CORIN: variants seen among roughly 807,000 people sequenced by gnomAD.
CORIN encodes the protein atrial natriuretic peptide-converting enzyme.
CORIN carries 117 observed loss-of-function variants against 125.3 expected under a neutral mutation model. The observed-to-expected ratio is 0.93, with a 90% CI of 0.80 to 1.09. CORIN has a LOEUF of 1.09. Ranked by LOEUF, CORIN falls within the 50% of genes least tolerant of loss-of-function variation. CORIN has a pLI of 0.00. For synonymous variants in CORIN, 450 were observed against 466.4 expected, an observed-to-expected ratio of 0.96 and a Z score of 0.45; for missense variants, 1,253 against 1,306.7, an observed-to-expected ratio of 0.96 and a Z score of 0.63.
chr4:47,752,836 G>A (rs1427926470), intron 4 of CORIN, among the ~76,000 whole-genome samples: 1 of 152,106 alleles, frequency 6.6e-6, no homozygotes, highest in Non-Finnish European at 1.5e-5. Context: ...TACTTACCAG[G>A]GCCCAGGGGA....
At chr4:47,716,477 C>G (rs1577857117) in intron 5 of CORIN, among the ~76,000 whole-genome samples, 1 of 152,118 alleles carries the variant, frequency 6.6e-6, no homozygotes, top group African/African-American at 2.4e-5. Flanking sequence ...GTGTAAACAC[C>G]CTTGCCCTCT....
At chr4:47,815,761 G>A (rs1732238903) in intron 1 of CORIN, among the ~76,000 whole-genome samples, 1 of 152,000 alleles carries the variant, frequency 6.6e-6, no homozygotes, top group Non-Finnish European at 1.5e-5. Flanking sequence ...AAGAGAGTTG[G>A]GTTATCCATT....
chr4:47,697,566 T>C (rs756335180), intron 5 of CORIN, among the ~76,000 whole-genome samples: 1 of 151,796 alleles, frequency 6.6e-6, no homozygotes, highest in Non-Finnish European at 1.5e-5. Flanking sequence ...ATACAAAAAT[T>C]AGCTGGGCAT....
At chr4:47,639,733 G>A (rs1345592496) in intron 16 of CORIN, among the ~76,000 whole-genome samples, 2 of 152,154 alleles carry the variant, frequency 1.3e-5, no homozygotes, top group African/African-American at 4.8e-5. Context: ...TTTATTTGAG[G>A]CATCGGTGGC....
intron 1 of CORIN, among the ~76,000 whole-genome samples, chr4:47,813,933 G>GA (rs1456422135): frequency 6.6e-6 from 1 of 152,100 alleles, no homozygotes; most frequent in African/African-American, 2.4e-5. Context: ...ACCAAAATGA[G>GA]AATGTTCATT....
intron 20 of CORIN, among the ~76,000 whole-genome samples, chr4:47,601,724 CAG>C (rs749137939): frequency 5.3e-5 from 8 of 151,958 alleles, no homozygotes; most frequent in African/African-American, 7.2e-5. Flanking sequence ...TGAAAAAAAA[CAG>C]ATGCATAGGA....
intron 5 of CORIN, among the ~76,000 whole-genome samples, chr4:47,733,287 C>T (rs1167158332): frequency 6.6e-6 from 1 of 152,194 alleles, no homozygotes; most frequent in Non-Finnish European, 1.5e-5. Flanking sequence ...CTTCACGATG[C>T]TATTTGCAAA....
At chr4:47,766,447 C>T (rs752087350) in intron 3 of CORIN, among the ~76,000 whole-genome samples, 22 of 151,962 alleles carry the variant, frequency 1.4e-4, no homozygotes, top group Non-Finnish European at 3.1e-4. Context: ...GCTACAAGAC[C>T]CTTCCACATA....
chr4:47,725,525 T>C (rs1577865770), intron 5 of CORIN, among the ~76,000 whole-genome samples: 1 of 151,864 alleles, frequency 6.6e-6, no homozygotes, highest in African/African-American at 2.4e-5. Flanking sequence ...ATAGGAGAAA[T>C]ATAGGCCTTT....
intron 19 of CORIN, among the ~76,000 whole-genome samples, chr4:47,623,311 G>A (rs1234923584): frequency 1.3e-5 from 2 of 152,044 alleles, no homozygotes; most frequent in Admixed American, 1.3e-4. Context: ...TAGTAGCATA[G>A]AGTCAGTCTT....
chr4:47,683,904 T>G, intron 6 of CORIN, 66 bp from the exon 7 acceptor site: 1 of 1,211,754 alleles, frequency 8.3e-7, no homozygotes, highest in Non-Finnish European at 1.2e-6. Flanking sequence ...AGTACGATAT[T>G]TAACAAAAGC....
At chr4:47,760,137 C>A (rs962572189) in intron 4 of CORIN, among the ~76,000 whole-genome samples, 7 of 152,148 alleles carry the variant, frequency 4.6e-5, no homozygotes, top group Non-Finnish European at 1.0e-4. Context: ...AAATGTATTT[C>A]TGAAATAATA....
At chr4:47,723,999 A>G (rs1184665179) in intron 5 of CORIN, among the ~76,000 whole-genome samples, 3 of 151,070 alleles carry the variant, frequency 2.0e-5, no homozygotes, top group Non-Finnish European at 4.4e-5. Flanking sequence ...CCATCTCAAA[A>G]AAAAAAAAAA....
chr4:47,673,141 C>A (rs1353810865), intron 10 of CORIN, among the ~76,000 whole-genome samples: 1 of 151,712 alleles, frequency 6.6e-6, no homozygotes, highest in East Asian at 1.9e-4. Context: ...GAGTTTGAGA[C>A]CTGCCTGACC....
intron 4 of CORIN, among the ~76,000 whole-genome samples, chr4:47,760,711 ACTTCT>A (rs903059455): frequency 2.0e-5 from 3 of 152,194 alleles, no homozygotes; most frequent in African/African-American, 7.2e-5. Flanking sequence ...CCAGGCACTG[ACTTCT>A]CTTCTCTAGC....
intron 21 of CORIN, among the ~76,000 whole-genome samples, chr4:47,598,023 G>A (rs1161841843): frequency 1.3e-5 from 2 of 152,110 alleles, no homozygotes; most frequent in African/African-American, 4.8e-5. Context: ...AGTGAGTCAG[G>A]TAGGCACCCC....
At chr4:47,757,366 G>T (rs960453034) in intron 4 of CORIN, among the ~76,000 whole-genome samples, 1 of 152,030 alleles carries the variant, frequency 6.6e-6, no homozygotes, top group Admixed American at 6.5e-5. Context: ...GGCTGAGGTG[G>T]GTGGATCACT....
intron 12 of CORIN, among the ~76,000 whole-genome samples, chr4:47,655,226 A>T (rs564842219): frequency 2.0e-4 from 31 of 151,988 alleles, no homozygotes; most frequent in African/African-American, 7.0e-4. Context: ...GGCTGGCTTC[A>T]GGTGTAACTC....
chr4:47,826,093 G>C (rs1014970031), intron 1 of CORIN, among the ~76,000 whole-genome samples: 8 of 151,992 alleles, frequency 5.3e-5, no homozygotes, highest in African/African-American at 1.9e-4. Flanking sequence ...GACACCAACT[G>C]AGTTTTTGCC....
Sources: gnomAD v4.1 joint callset for allele counts (sites outside exome capture counted in the v4.1 genomes callset) on GRCh38, gnomAD v4.1.1 for gene constraint, MANE v1.5 for transcripts, NCBI Gene and HGNC (gene_info 2026-07-23, HGNC 2026-07-21) for gene names.